PCGF5: variants seen among roughly 807,000 people sequenced by gnomAD.
PCGF5 encodes polycomb group ring finger 5, also known as polycomb group RING finger protein 5.
In PCGF5, 9 loss-of-function variants were observed where a neutral mutation model predicts 44.3. That is an observed-to-expected ratio of 0.20 (90% confidence interval 0.12 to 0.35). PCGF5 has a LOEUF of 0.35. Ranked by LOEUF, PCGF5 falls within the 10% of genes least tolerant of loss-of-function variation. PCGF5 has a pLI of 1.00. For missense variants in PCGF5, 146 were observed against 305.3 expected, an observed-to-expected ratio of 0.48 and a Z score of 3.89; for synonymous variants, 95 against 102.5, an observed-to-expected ratio of 0.93 and a Z score of 0.44.
At chr10:91,222,661 C>T in intron 1 of PCGF5, 28 bp from the exon 2 acceptor site, 3 of 515,224 alleles carry the variant, frequency 5.8e-6, no homozygotes, top group Non-Finnish European at 1.0e-5. Context: ...TTTTTTCTCT[C>T]ATCTTTTTGA....
At position 91,240,440 on chromosome 10, in the gene PCGF5, C is replaced by T. The variant is rs367590859; in HGVS notation, c.113-44C>T. On this transcript the variant is annotated intron_variant, in intron 2 of 9. Coordinates refer to ENST00000336126, the MANE Select transcript of PCGF5 (RefSeq NM_032373.5). Reference sequence around the variant, plus strand: ...TACACTTAGTTTAACATTAAATGAGCGTTCATATGATGCGTTTTAACCTAA... The same window carrying T: ...TACACTTAGTTTAACATTAAATGAGTGTTCATATGATGCGTTTTAACCTAA... 4.6e-5 allele frequency: 58 copies of T among 1,254,014 alleles called. No homozygotes were observed. The African/African-American group carries it at 5.5e-4, about 12-fold the overall frequency. 77.7% of individuals were successfully genotyped at this position (1,254,014 alleles called of 1,614,324 possible). A position where few individuals can be genotyped will look rare whatever the true frequency, so the allele number is the denominator to read the frequency against.
intron 3 of PCGF5, among the ~76,000 whole-genome samples, chr10:91,245,677 T>C (rs1214098186): frequency 6.6e-6 from 1 of 152,040 alleles, no homozygotes; most frequent in East Asian, 1.9e-4. Flanking sequence ...CAAAAAAAAT[T>C]GTAGCAACAG....
At chr10:91,244,615 G>A (rs1845411929) in intron 3 of PCGF5, among the ~76,000 whole-genome samples, 1 of 152,190 alleles carries the variant, frequency 6.6e-6, no homozygotes. Flanking sequence ...CAAGGCAAGG[G>A]TAGAAGCAGG....
intron 3 of PCGF5, among the ~76,000 whole-genome samples, chr10:91,243,373 T>C (rs1247614276): frequency 1.3e-5 from 2 of 152,194 alleles, no homozygotes; most frequent in Non-Finnish European, 2.9e-5. Context: ...TAATTGGATT[T>C]TGTTAGCCAG....
the PCGF5 span, among the ~76,000 whole-genome samples, chr10:91,157,411 G>A: frequency 6.6e-6 from 1 of 152,186 alleles, no homozygotes; most frequent in East Asian, 1.9e-4. Context: ...GATTTTATAT[G>A]GCAAAATGGC....
chr10:91,187,068 G>C (rs1406530994), intron 1 of PCGF5, among the ~76,000 whole-genome samples: 3 of 152,142 alleles, frequency 2.0e-5, no homozygotes, highest in Non-Finnish European at 4.4e-5. Flanking sequence ...AGTTTCCCAG[G>C]AGATGCAACT....
At chr10:91,267,672 T>C (rs1846079836) in intron 8 of PCGF5, among the ~76,000 whole-genome samples, 2 of 152,248 alleles carry the variant, frequency 1.3e-5, no homozygotes, top group Admixed American at 6.5e-5. Context: ...AGATGAATTC[T>C]GACAGTTGAG....
upstream of PCGF5, among the ~76,000 whole-genome samples, chr10:91,217,249 G>A (rs776017648): frequency 1.3e-5 from 2 of 152,176 alleles, no homozygotes; most frequent in Non-Finnish European, 2.9e-5. Context: ...TAGCCAGGAT[G>A]GTCTCGATCT....
chr10:91,230,861 G>A (rs1392806912), intron 2 of PCGF5, among the ~76,000 whole-genome samples: 1 of 152,058 alleles, frequency 6.6e-6, no homozygotes, highest in East Asian at 1.9e-4. Flanking sequence ...GGGCTCAAGT[G>A]ATCAATCTGC....
At chr10:91,264,298 A>G in intron 7 of PCGF5, 133 bp from the exon 8 acceptor site, 1 of 657,014 alleles carries the variant, frequency 1.5e-6, no homozygotes. Flanking sequence ...AGGAGAATAA[A>G]TGCCTCCTAT....
chr10:91,195,322 G>A (rs11186494), intron 1 of PCGF5, among the ~76,000 whole-genome samples: 422 of 151,840 alleles, frequency 2.8e-3, no homozygotes, highest in African/African-American at 9.9e-3. Flanking sequence ...AAAATTTAGG[G>A]TGGAATTAGA....
chr10:91,269,151 C>T (rs1423091425), intron 8 of PCGF5, among the ~76,000 whole-genome samples: 1 of 152,172 alleles, frequency 6.6e-6, no homozygotes, highest in African/African-American at 2.4e-5. Flanking sequence ...TGCATCTGAT[C>T]TTTGGACCAT....
At chr10:91,208,206 ATTC>A (rs1844381322) in intron 1 of PCGF5, among the ~76,000 whole-genome samples, 1 of 152,078 alleles carries the variant, frequency 6.6e-6, no homozygotes, top group African/African-American at 2.4e-5. Context: ...GAAAAGAAGG[ATTC>A]TTCTTTTCCT....
chr10:91,175,860 A>G (rs7088304), intron 1 of PCGF5, among the ~76,000 whole-genome samples: 22,612 of 151,904 alleles, frequency 0.15, 2,122 homozygotes, highest in East Asian at 0.4. Context: ...TTGACTCTTT[A>G]TCCAGTTTGC....
At chr10:91,260,262 A>G (rs1445881444) in intron 6 of PCGF5, among the ~76,000 whole-genome samples, 1 of 152,224 alleles carries the variant, frequency 6.6e-6, no homozygotes, top group Non-Finnish European at 1.5e-5. Context: ...ACAATGAGAT[A>G]CCATCTCACA....
At chr10:91,276,665 A>C (rs7911817) in intron 9 of PCGF5, among the ~76,000 whole-genome samples, 19,865 of 152,206 alleles carry the variant, frequency 0.13, 2,439 homozygotes, top group African/African-American at 0.32. Flanking sequence ...CATTGCCAGT[A>C]AAGCCATTTT....
At chr10:91,217,450 T>C (rs1158844104), upstream of PCGF5, among the ~76,000 whole-genome samples, 1 of 152,350 alleles carries the variant, frequency 6.6e-6, no homozygotes, top group African/African-American at 2.4e-5. Context: ...AGGAAAGGAA[T>C]GTGAACTTTT....
At position 91,279,790 on chromosome 10, in the gene PCGF5, G is replaced by A. The variant is rs1419726719; in HGVS notation, c.*1474G>A. On this transcript the variant is annotated 3_prime_UTR_variant, in exon 10 of 10. Transcript: ENST00000336126. ...CATTTAGTTTTTATACTGCATATGT[G>A]GTAAATGTGTCACATTTTCCAGTAA... 6.6e-6 allele frequency: 1 copy of A among 151,930 alleles called. No individual in the cohort carries two copies. Among genetic ancestry groups the A allele is most frequent in the Non-Finnish European group, 1.5e-5 (1 of 67,908 alleles). 9.4% of individuals were successfully genotyped at this position (151,930 alleles called of 1,614,324 possible). A position where few individuals can be genotyped will look rare whatever the true frequency, so the allele number is the denominator to read the frequency against.
intron 1 of PCGF5, among the ~76,000 whole-genome samples, chr10:91,177,549 T>C (rs1221178541): frequency 1.3e-5 from 2 of 152,190 alleles, no homozygotes; most frequent in African/African-American, 2.4e-5. Context: ...TGCGGTGGGC[T>C]CCACCCAGTT....
Sources: gnomAD v4.1 joint callset for allele counts (sites outside exome capture counted in the v4.1 genomes callset) on GRCh38, gnomAD v4.1.1 for gene constraint, MANE v1.5 for transcripts, NCBI Gene and HGNC (gene_info 2026-07-23, HGNC 2026-07-21) for gene names.